COL23A1: variants seen among roughly 807,000 people sequenced by gnomAD.
COL23A1 encodes the protein collagen type XXIII alpha 1 chain.
COL23A1 carries 97 observed loss-of-function variants against 99.3 expected under a neutral mutation model. That is an observed-to-expected ratio of 0.98 (90% confidence interval 0.83 to 1.16). COL23A1 has a LOEUF of 1.16. Among genes scored for constraint, COL23A1 ranks in the 50% most tolerant of loss-of-function variants. The probability of loss-of-function intolerance (pLI) is 0.00; values close to 1 mark genes in which losing one functional copy is unlikely to be tolerated. For synonymous variants in COL23A1, 320 were observed against 308.2 expected, an observed-to-expected ratio of 1.04 and a Z score of -0.40; for missense variants, 762 against 757.4, an observed-to-expected ratio of 1.01 and a Z score of -0.07.
chr5:178,289,523 C>T (rs1757336018), intron 4 of COL23A1, among the ~76,000 whole-genome samples: 1 of 152,192 alleles, frequency 6.6e-6, no homozygotes. Context: ...ATGCCCTCAC[C>T]AGCCAGGTGT....
rs897967825 is a variant in COL23A1 at position 178,307,658 on chromosome 5, C to A, written c.362-739G>T. 3.3e-5 allele frequency among the ~76,000 whole-genome samples: 5 copies of A among 152,238 alleles called. No homozygotes were observed. The highest frequency in any genetic ancestry group is 5.9e-5 in the Non-Finnish European group (4 of 68,050). On this transcript the variant is annotated intron_variant, in intron 2 of 28. Coordinates refer to ENST00000390654, the MANE Select transcript of COL23A1 (RefSeq NM_173465.4). The surrounding 1 kb of genome is among the most constrained non-coding windows in gnomAD (Gnocchi z 4.2). ...CTGAAGGAGACGCTTTGACTCTGGC[C>A]GTGGGAGCAGAGGTCTGAGGCCTCC...
At position 178,494,455 on chromosome 5, in the gene COL23A1, T is replaced by A. The variant is rs1206450585; in HGVS notation, c.361+66227A>T. 3.9e-5 allele frequency among the ~76,000 whole-genome samples: 6 copies of A among 152,256 alleles called. No individual in the cohort carries two copies. In the East Asian group the frequency reaches 1.2e-3, roughly 29 times the overall value. On this transcript the variant is annotated intron_variant, in intron 2 of 28. Coordinates refer to ENST00000390654, the MANE Select transcript of COL23A1 (RefSeq NM_173465.4). ...AATTTGGGAGGCCGAGGCAGGCGGATCACCTGAGGTCAGGAGTTCGAGACC... is the reference window on the plus strand; with the variant it reads ...AATTTGGGAGGCCGAGGCAGGCGGAACACCTGAGGTCAGGAGTTCGAGACC...
intron 1 of COL23A1, among the ~76,000 whole-genome samples, chr5:178,576,330 C>A (rs1286473337): frequency 6.6e-6 from 1 of 152,194 alleles, no homozygotes; most frequent in South Asian, 2.1e-4. Context: ...CCTCCGCCTC[C>A]CGGGTTCAAC....
At chr5:178,588,632 G>T (rs1350005840) in intron 1 of COL23A1, among the ~76,000 whole-genome samples, 1 of 152,214 alleles carries the variant, frequency 6.6e-6, no homozygotes. Flanking sequence ...ATCATTTCAT[G>T]AAGCAGCAAT....
At chr5:178,249,716 A>ACACACACACACACACACACTCTCTCT in intron 18 of COL23A1, among the ~76,000 whole-genome samples, 1 of 92,752 alleles carries the variant, frequency 1.1e-5, no homozygotes, top group African/African-American at 4.3e-5. Flanking sequence ...ACACACACAC[A>ACACACACACACACACACACTCTCTCT]CTCTCTCTCT....
chr5:178,239,517 CGTGTGGCTTCCTGTCTG>C (rs1764280846), intron 27 of COL23A1, among the ~76,000 whole-genome samples: 1 of 151,296 alleles, frequency 6.6e-6, no homozygotes, highest in African/African-American at 2.5e-5. Context: ...TGCCGAGAGC[CGTGTGGCTTCCTGTCTG>C]ATGTGACAGT....
intron 2 of COL23A1, among the ~76,000 whole-genome samples, chr5:178,516,126 C>T (rs7709430): frequency 0.015 from 2,213 of 152,302 alleles, 48 homozygotes; most frequent in African/African-American, 0.05. Flanking sequence ...GCCCCGTCCT[C>T]GTCCTCATTT....
intron 2 of COL23A1, among the ~76,000 whole-genome samples, chr5:178,505,007 T>C (rs1758785338): frequency 6.6e-6 from 1 of 152,150 alleles, no homozygotes; most frequent in African/African-American, 2.4e-5. Flanking sequence ...CATAACGAAG[T>C]TCCACAGACC....
Position 178,365,136 on chromosome 5 carries a change from C to CGCGTGTGTGTGT in COL23A1, c.362-58218_362-58217insACACACACACGC. On this transcript the variant is annotated intron_variant, in intron 2 of 28. Coordinates refer to ENST00000390654, the MANE Select transcript of COL23A1 (RefSeq NM_173465.4). This position sits in a 1 kb window ranked among gnomAD's most constrained non-coding sequence, Gnocchi z 5.2. ...GGGCTTTATGATGTTGCTGTGTGTG[C>CGCGTGTGTGTGT]GTGTGTGTGTGTGTGTGTGTGTGTG... Among the ~76,000 whole-genome samples the CGCGTGTGTGTGT allele has an allele frequency of 6.8e-6, 1 of 147,910 alleles. No individual in the cohort carries two copies. The highest frequency in any genetic ancestry group is 2.1e-4 in the East Asian group (1 of 4,864).
intron 2 of COL23A1, among the ~76,000 whole-genome samples, chr5:178,354,860 C>A (rs1416111764): frequency 1.3e-5 from 2 of 152,084 alleles, no homozygotes; most frequent in Non-Finnish European, 2.9e-5. Flanking sequence ...AGTTCGAAAC[C>A]AGCCTGGGCA....
chr5:178,360,059 C>A (rs966439163), intron 2 of COL23A1, among the ~76,000 whole-genome samples: 35 of 152,336 alleles, frequency 2.3e-4, no homozygotes, highest in Non-Finnish European at 5.1e-4. Flanking sequence ...ACTCCCACCC[C>A]ACAATTCTCT....
At chr5:178,328,762 C>T (rs559719362) in intron 2 of COL23A1, among the ~76,000 whole-genome samples, 2 of 152,280 alleles carry the variant, frequency 1.3e-5, no homozygotes, top group Admixed American at 6.5e-5. Context: ...CCCCCGTCAA[C>T]GTTAGTTCTA....
In COL23A1 at chr5:178,394,336, T is replaced by G. The variant is rs186162001; in HGVS notation, c.362-87417A>C. Reference sequence around the variant, plus strand: ...CACTGGGTGAGTCAACCCTGAGCCCTCAACTCGGAGCCACTCCCAGCTGGA... The same window carrying G: ...CACTGGGTGAGTCAACCCTGAGCCCGCAACTCGGAGCCACTCCCAGCTGGA... On this transcript the variant is annotated intron_variant, in intron 2 of 28. Transcript: ENST00000390654. Among the ~76,000 whole-genome samples the G allele has an allele frequency of 3.6e-3, 543 of 152,218 alleles. 8 individuals carry two copies. Among genetic ancestry groups the G allele is most frequent in the African/African-American group, 0.013 (522 of 41,538 alleles).
chr5:178,383,909 G>C (rs1581273746), intron 2 of COL23A1, among the ~76,000 whole-genome samples: 1 of 150,656 alleles, frequency 6.6e-6, no homozygotes, highest in African/African-American at 2.4e-5. Flanking sequence ...GAGACGAAAA[G>C]AATCTCAGAA....
At chr5:178,513,880 T>A (rs1035588079) in intron 2 of COL23A1, among the ~76,000 whole-genome samples, 4 of 145,318 alleles carry the variant, frequency 2.8e-5, no homozygotes, top group Admixed American at 6.9e-5. Context: ...TTATTTTTTT[T>A]AATTGCAGTA....
intron 1 of COL23A1, among the ~76,000 whole-genome samples, chr5:178,565,961 CAA>C (rs555054624): frequency 1.0e-4 from 10 of 98,322 alleles, no homozygotes; most frequent in Admixed American, 1.1e-4. Context: ...AAAAAAAATA[CAA>C]AAAAAAAAAA....
At chr5:178,503,023 C>T (rs749821389) in intron 2 of COL23A1, among the ~76,000 whole-genome samples, 13 of 152,160 alleles carry the variant, frequency 8.5e-5, no homozygotes, top group Non-Finnish European at 1.8e-4. Context: ...TTAGAAAAAC[C>T]CAGAACAATG....
chr5:178,358,571 A>G (rs112828642), intron 2 of COL23A1, among the ~76,000 whole-genome samples: 7 of 135,960 alleles, frequency 5.1e-5, no homozygotes, highest in Non-Finnish European at 7.9e-5. Flanking sequence ...TGTATGTCTA[A>G]TGTGTATGTG....
At chr5:178,571,941 G>A (rs1406047019) in intron 1 of COL23A1, among the ~76,000 whole-genome samples, 14 of 151,992 alleles carry the variant, frequency 9.2e-5, no homozygotes, top group Middle Eastern at 3.2e-3. Flanking sequence ...GGTGGCGGGC[G>A]CCTGTAGTCC....
Sources: gnomAD v4.1 joint callset for allele counts (sites outside exome capture counted in the v4.1 genomes callset) on GRCh38, gnomAD v4.1.1 for gene constraint, Gnocchi (gnomAD v3.1) non-coding constraint, MANE v1.5 for transcripts, NCBI Gene and HGNC (gene_info 2026-07-23, HGNC 2026-07-21) for gene names.